The following LRMDA variants were observed in gnomAD, a reference collection of about 807,000 sequenced individuals.
LRMDA encodes leucine-rich melanocyte differentiation-associated protein.
A neutral mutation model predicts 29.8 loss-of-function variants in LRMDA; 18 were observed. That is an observed-to-expected ratio of 0.60 (90% CI 0.42 to 0.90). The LOEUF is 0.90. LRMDA is among the 40% of genes least tolerant of loss of function. The pLI is 0.00. For missense variants in LRMDA, 273 were observed against 273.9 expected (o/e 1.00, Z 0.02); for synonymous variants, 125 against 109.4 (o/e 1.14, Z -0.89).
chr10:75,608,894 C>G (rs1189217524), intron 2 of LRMDA, among the ~76,000 whole-genome samples: 1 of 152,182 alleles, frequency 6.6e-6, no homozygotes, highest in Non-Finnish European at 1.5e-5. Context: ...CTGTCTTGAT[C>G]AAGGGCCACA....
intron 2 of LRMDA, among the ~76,000 whole-genome samples, chr10:75,515,246 G>A (rs1372416922): frequency 6.6e-6 from 1 of 152,180 alleles, no homozygotes; most frequent in African/African-American, 2.4e-5. Flanking sequence ...GGGAATGAAT[G>A]GTAGTGGGTA....
chr10:75,552,510 A>G (rs1039793877), intron 2 of LRMDA: 1 of 478,350 alleles, frequency 2.1e-6, no homozygotes, highest in African/African-American at 2.0e-5. Flanking sequence ...CATCCACCCC[A>G]TCATAGTAAA....
At chr10:75,989,852 G>C (rs1233605825) in intron 2 of LRMDA, among the ~76,000 whole-genome samples, 1 of 152,096 alleles carries the variant, frequency 6.6e-6, no homozygotes. Flanking sequence ...GCTGATTCAG[G>C]CTTCTAGAAT....
chr10:75,647,072 G>A (rs1841530882), intron 2 of LRMDA, among the ~76,000 whole-genome samples: 1 of 85,446 alleles, frequency 1.2e-5, no homozygotes, highest in African/African-American at 2.6e-5. Flanking sequence ...GGGAGATGGA[G>A]CTTGCCCAAC....
intron 6 of LRMDA, among the ~76,000 whole-genome samples, chr10:76,444,019 G>A (rs925962396): frequency 2.0e-5 from 3 of 152,070 alleles, no homozygotes; most frequent in Admixed American, 6.6e-5. Context: ...GACTCACCTT[G>A]GTATTTAACA....
chr10:76,074,387 C>T (rs902242044), intron 5 of LRMDA, among the ~76,000 whole-genome samples: 17 of 152,134 alleles, frequency 1.1e-4, no homozygotes, highest in African/African-American at 3.9e-4. Context: ...TAACATCTAC[C>T]TCCTTCTTGT....
intron 3 of LRMDA, among the ~76,000 whole-genome samples, chr10:76,037,674 T>C (rs1158527157): frequency 6.6e-6 from 1 of 152,174 alleles, no homozygotes. Flanking sequence ...TATCATCACA[T>C]AGCAGAGAGA....
intron 6 of LRMDA, among the ~76,000 whole-genome samples, chr10:76,488,631 A>G (rs955961283): frequency 2.0e-5 from 3 of 151,938 alleles, no homozygotes; most frequent in African/African-American, 7.2e-5. Flanking sequence ...ATATTAGTGT[A>G]TGCATGCTTT....
chr10:75,603,446 A>C (rs1047228245), intron 2 of LRMDA, among the ~76,000 whole-genome samples: 1 of 152,176 alleles, frequency 6.6e-6, no homozygotes. Context: ...CTTGAAAAAT[A>C]TTATTTAACT....
intron 2 of LRMDA, among the ~76,000 whole-genome samples, chr10:75,571,227 G>A (rs932918567): frequency 6.6e-6 from 1 of 152,210 alleles, no homozygotes; most frequent in Non-Finnish European, 1.5e-5. Context: ...ATTAACATGT[G>A]TGTGGCTCAT....
At chr10:75,561,890 G>T (rs1315856833) in intron 2 of LRMDA, among the ~76,000 whole-genome samples, 1 of 152,124 alleles carries the variant, frequency 6.6e-6, no homozygotes, top group Non-Finnish European at 1.5e-5. Flanking sequence ...ACCGTGGCCT[G>T]AGTGACAGTT....
chr10:75,742,179 T>C (rs1016478096), intron 2 of LRMDA, among the ~76,000 whole-genome samples: 2 of 152,250 alleles, frequency 1.3e-5, no homozygotes, highest in Non-Finnish European at 2.9e-5. Flanking sequence ...AGATGCACGT[T>C]CCTTGCTCTC....
At chr10:75,452,238 A>G (rs1388865173) in intron 2 of LRMDA, among the ~76,000 whole-genome samples, 1 of 152,070 alleles carries the variant, frequency 6.6e-6, no homozygotes, top group Non-Finnish European at 1.5e-5. Flanking sequence ...CTGCGTGGAA[A>G]GTTTTTGTTG....
chr10:75,747,990 G>A (rs1236449575), intron 2 of LRMDA, among the ~76,000 whole-genome samples: 2 of 152,192 alleles, frequency 1.3e-5, no homozygotes, highest in Non-Finnish European at 2.9e-5. Context: ...CCCTCTGCTA[G>A]TCTAAATCCT....
chr10:76,111,033 GT>G (rs537716195), intron 5 of LRMDA, among the ~76,000 whole-genome samples: 17 of 150,548 alleles, frequency 1.1e-4, no homozygotes, highest in Middle Eastern at 3.2e-3. Flanking sequence ...TGTTCATTTT[GT>G]TTTTTTTTCT....
chr10:76,070,646 A>G (rs748390626), intron 5 of LRMDA, among the ~76,000 whole-genome samples: 1 of 152,196 alleles, frequency 6.6e-6, no homozygotes, highest in Non-Finnish European at 1.5e-5. Context: ...AGCAGGGGGC[A>G]TTGCCCCTCT....
At chr10:76,395,449 C>T (rs558910021) in intron 6 of LRMDA, among the ~76,000 whole-genome samples, 25 of 152,282 alleles carry the variant, frequency 1.6e-4, no homozygotes, top group South Asian at 4.2e-4. Flanking sequence ...GGAAATGAAA[C>T]GCAGACTTGG....
intron 6 of LRMDA, among the ~76,000 whole-genome samples, chr10:76,404,056 G>T (rs1197845582): frequency 6.6e-6 from 1 of 151,874 alleles, no homozygotes; most frequent in Non-Finnish European, 1.5e-5. Flanking sequence ...AATTGCCCAT[G>T]AGTCACCTTA....
chr10:75,571,811 A>T (rs1172154078), intron 2 of LRMDA, among the ~76,000 whole-genome samples: 1 of 152,158 alleles, frequency 6.6e-6, no homozygotes, highest in African/African-American at 2.4e-5. Flanking sequence ...GAGGGAAAAT[A>T]TGGAAAGATC....
Sources: allele counts gnomAD v4.1 joint callset (sites outside exome capture counted in the v4.1 genomes callset), GRCh38; gene constraint gnomAD v4.1.1; transcripts MANE v1.5; gene names NCBI Gene and HGNC (gene_info 2026-07-23, HGNC 2026-07-21).